The following FGB variants were observed in gnomAD, a reference collection of about 807,000 sequenced individuals.
The protein encoded by FGB is beta-fibrinogen.
FGB carries 25 observed loss-of-function variants against 57.9 expected under a neutral mutation model. The ratio of observed to expected loss-of-function variants is 0.43; its 90% confidence interval spans 0.31 to 0.60. FGB has a LOEUF of 0.60. Ranked by LOEUF, FGB falls within the 20% of genes least tolerant of loss-of-function variation. The probability of loss-of-function intolerance (pLI) is 0.08; values close to 1 mark genes in which losing one functional copy is unlikely to be tolerated. For synonymous variants in FGB, 203 were observed against 199.2 expected, an observed-to-expected ratio of 1.02 and a Z score of -0.16; for missense variants, 536 against 598.4, an observed-to-expected ratio of 0.90 and a Z score of 1.09.
rs969633920 is a variant in FGB at position 154,571,283 on chromosome 4, A to G, written c.*633A>G. On this transcript the variant is annotated 3_prime_UTR_variant, in exon 8 of 8. Transcript: ENST00000302068. ...CTTTGGGAGGCTGAGGCGGGCGGTC[A>G]CAAGGTCAGGAGTTCAAGACCAGCC... is the stretch of plus-strand genomic sequence containing the variant. Among the ~76,000 whole-genome samples the G allele has an allele frequency of 1.3e-5, 2 of 152,034 alleles. No individual in the cohort carries two copies. The highest frequency in any genetic ancestry group is 4.8e-5 in the African/African-American group (2 of 41,392).
intron 1 of FGB, 97 bp from the exon 2 acceptor site, chr4:154,565,711 T>C: frequency 7.9e-7 from 1 of 1,258,712 alleles, no homozygotes; most frequent in Non-Finnish European, 1.1e-6. Context: ...ATTATCAAGC[T>C]TGTGATAACC....
rs1001143183 is a variant in FGB, at chr4:154,571,309, T to A, written c.*659T>A. Among the ~76,000 whole-genome samples the A allele has an allele frequency of 6.6e-6, 1 of 152,180 alleles. No individual in the cohort carries two copies. The highest frequency in any genetic ancestry group is 1.9e-4 in the East Asian group (1 of 5,166). Reference sequence around the variant, plus strand: ...CAAGGTCAGGAGTTCAAGACCAGCCTGACCAATATGGTGAAACCCCATCTC... The same window carrying A: ...CAAGGTCAGGAGTTCAAGACCAGCCAGACCAATATGGTGAAACCCCATCTC... On this transcript the variant is annotated 3_prime_UTR_variant, in exon 8 of 8. Transcript: ENST00000302068.
In FGB at chr4:154,570,400, C is replaced by G. The variant is rs1730369143; in HGVS notation, c.1245-19C>G. Reference sequence around the variant, plus strand: ...ACCGTAGTTCTGTTTCTAATAACGCCAAACACATTTTCTTTCAGGTTAACA... The same window carrying G: ...ACCGTAGTTCTGTTTCTAATAACGCGAAACACATTTTCTTTCAGGTTAACA... On this transcript the variant is annotated intron_variant, in intron 7 of 7. Transcript: ENST00000302068. The G allele has an allele frequency of 2.5e-6, 4 of 1,596,248 alleles. No homozygotes were observed. The East Asian group carries it at 6.7e-5, about 27-fold the overall frequency.
In FGB at chr4:154,570,994, A is replaced by T; in HGVS notation, c.*344A>T. The T allele has an allele frequency of 2.8e-6, 1 of 352,020 alleles. No homozygotes were observed. The highest frequency in any genetic ancestry group is 2.5e-5 in the South Asian group (1 of 40,238). 21.8% of individuals were successfully genotyped at this position (352,020 alleles called of 1,614,324 possible). A position where few individuals can be genotyped will look rare whatever the true frequency, so the allele number is the denominator to read the frequency against. ...CGGAAAGGAAAAACTGATGTTTAAA[A>T]GTCCACTTTTAAAACTATATTTATT... On this transcript the variant is annotated 3_prime_UTR_variant, in exon 8 of 8. Transcript: ENST00000302068.
In FGB at chr4:154,571,170, A is replaced by C. The variant is rs1220265027; in HGVS notation, c.*520A>C. ...AGGAAGGAGAAGCGTTCACAACCTC[A>C]AATAGCTAATAAACCGGTCTTGAAT... is the stretch of plus-strand genomic sequence containing the variant. On this transcript the variant is annotated 3_prime_UTR_variant, in exon 8 of 8. Transcript: ENST00000302068. The C allele has an allele frequency of 5.1e-6, 1 of 197,312 alleles. No homozygotes were observed. The highest frequency in any genetic ancestry group is 1.0e-5 in the Non-Finnish European group (1 of 96,634). 12.2% of individuals were successfully genotyped at this position (197,312 alleles called of 1,614,324 possible). A position where few individuals can be genotyped will look rare whatever the true frequency, so the allele number is the denominator to read the frequency against.
At chr4:154,564,141 A>C (rs1730058267) in intron 1 of FGB, among the ~76,000 whole-genome samples, 1 of 152,058 alleles carries the variant, frequency 6.6e-6, no homozygotes, top group Non-Finnish European at 1.5e-5. Flanking sequence ...GTACTCTGCA[A>C]AGCACTTTCA....
rs1379263371 is a variant in FGB, at chr4:154,571,466, C to T, written c.*816C>T. ...CCTGGGCAACAGCGTGAGACTCCAC[C>T]TCAAAAAAAAAAAAAAAAGAATCTG... On this transcript the variant is annotated 3_prime_UTR_variant, in exon 8 of 8. Transcript: ENST00000302068. 7.7e-6 allele frequency among the ~76,000 whole-genome samples: 1 copy of T among 129,906 alleles called. No individual in the cohort carries two copies. The highest frequency in any genetic ancestry group is 2.7e-5 in the African/African-American group (1 of 37,478). The allele number at this position is 129,906 out of a possible 152,430, so 85.2% of individuals were successfully genotyped here.
chr4:154,564,179 A>C (rs1449958587), intron 1 of FGB, among the ~76,000 whole-genome samples: 2 of 152,088 alleles, frequency 1.3e-5, no homozygotes, highest in African/African-American at 4.8e-5. Flanking sequence ...TAAACCTCAC[A>C]GAGATAGTTT....
Position 154,568,416 on chromosome 4 carries a change from T to G in FGB, c.754T>G (p.Ser252Ala). ...EEIIRKGGET[S>A]EMYLIQPDSS... ...AATTATCAGGAAAGGAGGTGAAACA[T>G]CTGAAATGTATCTCATTCAACCTGA... The change falls in exon 5 of 8, where the codon TCT becomes GCT. Residue 252 changes from serine (S) to alanine (A), a missense_variant. Ser to Ala is a moderately conservative substitution (Grantham distance 99, BLOSUM62 1). Around this residue, in one of 3 missense-constraint regions of FGB, gnomAD observed 354 missense variants for 383.4 expected, o/e 0.92. Coordinates refer to ENST00000302068, the MANE Select transcript of FGB (RefSeq NM_005141.5). 1 of 1,606,784 alleles carries G rather than the reference T, an allele frequency of 6.2e-7. No individual in the cohort carries two copies. Among genetic ancestry groups the G allele is most frequent in the South Asian group, 1.1e-5 (1 of 90,930 alleles).
Position 154,569,776 on chromosome 4 carries a change from G to A in FGB, c.1221G>A (p.Thr407=), listed in dbSNP as rs143651398. The change falls in exon 7 of 8, where the codon ACG becomes ACA. Residue 407 remains threonine (T), a synonymous_variant. Transcript: ENST00000302068. Reference sequence around the variant, plus strand: ...TTCACAACGGCATGTTCTTCAGCACGTATGACAGAGACAATGACGGCTGGT... The same window carrying A: ...TTCACAACGGCATGTTCTTCAGCACATATGACAGAGACAATGACGGCTGGT... ...MTIHNGMFFS[T]YDRDNDGWLT... is the part of the protein sequence containing the mutation. 41 of 1,614,012 alleles carry A rather than the reference G, an allele frequency of 2.5e-5. No homozygotes were observed. Among genetic ancestry groups the A allele is most frequent in the Non-Finnish European group, 3.2e-5 (38 of 1,180,018 alleles).
intron 4 of FGB, among the ~76,000 whole-genome samples, chr4:154,568,081 G>T (rs1350907840): frequency 6.6e-6 from 1 of 152,158 alleles, no homozygotes; most frequent in Non-Finnish European, 1.5e-5. Context: ...TGAACAGATG[G>T]CAGAACCACA....
At chr4:154,568,083 A>G (rs1325667640) in intron 4 of FGB, among the ~76,000 whole-genome samples, 1 of 152,192 alleles carries the variant, frequency 6.6e-6, no homozygotes, top group Non-Finnish European at 1.5e-5. Context: ...AACAGATGGC[A>G]GAACCACAGA....
intron 4 of FGB, 45 bp from the exon 5 acceptor site, chr4:154,568,334 TAA>T: frequency 1.0e-6 from 1 of 974,134 alleles, no homozygotes; most frequent in Non-Finnish European, 1.7e-6. Flanking sequence ...AAATACAAAG[TAA>T]TTATGTCATA....
At chr4:154,564,760 C>CAAA (rs201531228) in intron 1 of FGB, among the ~76,000 whole-genome samples, 1 of 144,434 alleles carries the variant, frequency 6.9e-6, no homozygotes, top group East Asian at 2.0e-4. Flanking sequence ...TAGCTACTGA[C>CAAA]AAAAAAAAAA....
In FGB at chr4:154,567,735, G is replaced by C; in HGVS notation, c.633G>C (p.Lys211Asn). Residue 211 changes from lysine (K) to asparagine (N), a missense_variant, in exon 4 of 8, where the codon AAG becomes AAC. Physicochemically the swap from Lys to Asn is moderately conservative, Grantham distance 94. Around this residue, in one of 3 missense-constraint regions of FGB, gnomAD observed 354 missense variants for 383.4 expected, o/e 0.92. Transcript: ENST00000302068. ...ILENLRSKIQKLESDVSAQME... is the reference protein window; with the variant it reads ...ILENLRSKIQNLESDVSAQME... ...AAAACCTGAGAAGCAAAATACAAAA[G>C]TTAGAATCTGATGTCTCAGCTCAAA... The C allele has an allele frequency of 6.2e-7, 1 of 1,614,126 alleles. No homozygotes were observed. Among genetic ancestry groups the C allele is most frequent in the African/African-American group, 1.3e-5 (1 of 75,026 alleles).
intron 3 of FGB, among the ~76,000 whole-genome samples, chr4:154,567,096 T>A (rs1209264853): frequency 6.6e-6 from 1 of 152,218 alleles, no homozygotes; most frequent in South Asian, 2.1e-4. Context: ...GTTGACTTGG[T>A]GGTCAGGAAA....
chr4:154,572,554 A>C lies in FGB; in HGVS notation c.*1904A>C, dbSNP rs578060711. Among the ~76,000 whole-genome samples, 2 of 152,286 alleles carry C rather than the reference A, an allele frequency of 1.3e-5. No homozygotes were observed. Among genetic ancestry groups the C allele is most frequent in the South Asian group, 4.1e-4 (2 of 4,826 alleles). ...CCTGAGTTCCAACGGACAGGCAGGG[A>C]GTTCAAGTGTCCTTCACAGATAAGA... On this transcript the variant is annotated 3_prime_UTR_variant, in exon 8 of 8. Transcript: ENST00000302068.
At chr4:154,569,414 T>C in intron 6 of FGB, 100 bp from the exon 7 acceptor site, 10 of 1,585,938 alleles carry the variant, frequency 6.3e-6, no homozygotes, top group Non-Finnish European at 8.6e-6. Context: ...AAGAGGAGTT[T>C]CCTGACAAAA....
intron 1 of FGB, 177 bp from the exon 2 acceptor site, chr4:154,565,631 A>T: frequency 1.6e-6 from 1 of 632,974 alleles, no homozygotes; most frequent in Non-Finnish European, 2.8e-6. Context: ...TGGTCTTTCT[A>T]CTGTTACTGA....
Sources: gnomAD v4.1 joint callset for allele counts (sites outside exome capture counted in the v4.1 genomes callset) on GRCh38, gnomAD v4.1.1 for gene constraint, gnomAD v4.1.1 regional missense constraint, MANE v1.5 for transcripts, NCBI Gene and HGNC (gene_info 2026-07-23, HGNC 2026-07-21) for gene names.